Variants in TRHDE observed in about 807,000 individuals in gnomAD.
TRHDE encodes the protein thyrotropin-releasing hormone-degrading ectoenzyme.
In TRHDE, 72 loss-of-function variants were observed where a neutral mutation model predicts 125.7. The observed-to-expected ratio is 0.57, with a 90% confidence interval of 0.47 to 0.70. The LOEUF (loss-of-function observed/expected upper bound fraction) is 0.70. Among genes scored for constraint, TRHDE ranks in the 30% least tolerant of loss-of-function variants. The pLI is 0.00. For synonymous variants in TRHDE, 509 were observed against 509.1 expected (o/e 1.00, Z 0.00); for missense variants, 1,110 against 1,327.1 (o/e 0.84, Z 2.54).
intron 12 of TRHDE, 143 bp downstream of exon 12, chr12:72,575,685 G>A: frequency 1.3e-6 from 1 of 764,572 alleles, no homozygotes; most frequent in East Asian, 2.7e-5. Flanking sequence ...TTGGATATGA[G>A]TTCTAATTAG....
At chr12:72,610,471 T>C (rs775668596) in intron 12 of TRHDE, among the ~76,000 whole-genome samples, 15 of 152,156 alleles carry the variant, frequency 9.9e-5, no homozygotes, top group Non-Finnish European at 1.8e-4. Context: ...GCAGCCAGAG[T>C]CACCCTTTTA....
chr12:72,286,596 T>C (rs1332181156), intron 1 of TRHDE, 85 bp from the exon 2 acceptor site: 14 of 1,282,732 alleles, frequency 1.1e-5, no homozygotes, highest in Non-Finnish European at 1.5e-5. Flanking sequence ...AATAATATAT[T>C]ATTTCATCAA....
At chr12:72,580,439 G>GTATTTGT (rs1871172836) in intron 12 of TRHDE, among the ~76,000 whole-genome samples, 1 of 152,000 alleles carries the variant, frequency 6.6e-6, no homozygotes, top group Non-Finnish European at 1.5e-5. Context: ...TTGGGTGTTT[G>GTATTTGT]TATTTGTTTT....
intron 2 of TRHDE, among the ~76,000 whole-genome samples, chr12:72,221,065 T>C (rs1877989750): frequency 6.6e-6 from 1 of 152,124 alleles, no homozygotes; most frequent in East Asian, 1.9e-4. Flanking sequence ...GCAGAAGATA[T>C]AATCATCTAC....
Position 72,584,069 on chromosome 12 carries a change from C to T in TRHDE, c.2321+8527C>T, listed in dbSNP as rs541443306. Among the ~76,000 whole-genome samples the T allele has an allele frequency of 2.5e-3, 216 of 87,302 alleles. 66 individuals carry two copies. The highest frequency in any genetic ancestry group is 0.023 in the African/African-American group (197 of 8,730). 57.3% of individuals were successfully genotyped at this position (87,302 alleles called of 152,430 possible). ...GCCTCAGCCTCCGGAGTAGCTGGGA[C>T]TACAAGGATGACAAACTTTCTTAGA... is the stretch of plus-strand genomic sequence containing the variant. On this transcript the variant is annotated intron_variant, in intron 12 of 18. Transcript: ENST00000261180.
At chr12:72,327,700 A>G (rs1737199624) in intron 2 of TRHDE, among the ~76,000 whole-genome samples, 1 of 152,108 alleles carries the variant, frequency 6.6e-6, no homozygotes, top group South Asian at 2.1e-4. Context: ...AAACTTCTTA[A>G]ATCTTGGATG....
At chr12:72,491,661 G>A (rs555931002) in intron 5 of TRHDE, among the ~76,000 whole-genome samples, 12 of 152,036 alleles carry the variant, frequency 7.9e-5, no homozygotes, top group African/African-American at 2.6e-4. Context: ...TGTTCATCAT[G>A]TCCGAGAGTA....
Position 72,238,339 on chromosome 12 carries a change from T to TAATATA in TRHDE, n.279+132587_279+132588insAATATA, listed in dbSNP as rs1483769640. ...ATATATATACATATATATATACACA[T>TAATATA]TATATATATATATATATATATATAC... On this transcript the variant is annotated intron_variant and non_coding_transcript_variant, in intron 2 of 4. Transcript: ENST00000548156. Among the ~76,000 whole-genome samples, 58 of 21,164 alleles carry TAATATA rather than the reference T, an allele frequency of 2.7e-3. 3 individuals carry two copies. Among genetic ancestry groups the TAATATA allele is most frequent in the Non-Finnish European group, 4.2e-3 (38 of 9,138 alleles). The allele number at this position is 21,164 out of a possible 152,430, so 13.9% of individuals were successfully genotyped here.
chr12:72,630,599 A>C (rs975929064), intron 15 of TRHDE, among the ~76,000 whole-genome samples: 2 of 151,796 alleles, frequency 1.3e-5, no homozygotes, highest in Non-Finnish European at 2.9e-5. Context: ...ATGTATAATC[A>C]GTAGTTTTGA....
intron 6 of TRHDE, among the ~76,000 whole-genome samples, chr12:72,521,557 A>T (rs909943779): frequency 1.3e-5 from 2 of 152,164 alleles, no homozygotes; most frequent in African/African-American, 4.8e-5. Context: ...CTCTGCTGTC[A>T]TTTTACAATA....
intron 2 of TRHDE, among the ~76,000 whole-genome samples, chr12:72,169,670 C>A (rs1030799457): frequency 6.6e-6 from 1 of 151,932 alleles, no homozygotes; most frequent in Non-Finnish European, 1.5e-5. Context: ...ATTTGGGCAA[C>A]ATGGTGACAC....
chr12:72,268,361 G>C (rs1879114731), upstream of TRHDE, among the ~76,000 whole-genome samples: 1 of 152,084 alleles, frequency 6.6e-6, no homozygotes, highest in South Asian at 2.1e-4. Context: ...TCATGAAGAA[G>C]ATTAATTAAA....
intron 7 of TRHDE, among the ~76,000 whole-genome samples, chr12:72,559,570 G>T (rs7307975): frequency 0.26 from 38,792 of 150,248 alleles, 7,272 homozygotes; most frequent in East Asian, 0.53. Context: ...ATCTTTATTT[G>T]ATTCCTTACA....
chr12:72,618,833 G>GT, intron 12 of TRHDE, 58 bp from the exon 13 acceptor site: 1 of 1,365,908 alleles, frequency 7.3e-7, no homozygotes, highest in Non-Finnish European at 9.6e-7. Context: ...TTTTATTTGC[G>GT]TAAGTAAAAA....
At chr12:72,149,804 A>AT (rs1227799960) in intron 2 of TRHDE, among the ~76,000 whole-genome samples, 1 of 152,090 alleles carries the variant, frequency 6.6e-6, no homozygotes, top group Non-Finnish European at 1.5e-5. Flanking sequence ...ATACATAATC[A>AT]TTTTTCATTC....
At chr12:72,352,562 TC>T (rs1310334624) in intron 2 of TRHDE, among the ~76,000 whole-genome samples, 3 of 151,848 alleles carry the variant, frequency 2.0e-5, no homozygotes, top group African/African-American at 7.2e-5. Flanking sequence ...TAAAATATAA[TC>T]TAGTAATTAT....
At chr12:72,333,482 T>C (rs1211143665) in intron 2 of TRHDE, among the ~76,000 whole-genome samples, 1 of 152,098 alleles carries the variant, frequency 6.6e-6, no homozygotes, top group Non-Finnish European at 1.5e-5. Flanking sequence ...TTGTGAAAAA[T>C]TTGTGACAGT....
chr12:72,509,107 C>T (rs1276088735), intron 6 of TRHDE, among the ~76,000 whole-genome samples: 1 of 152,094 alleles, frequency 6.6e-6, no homozygotes, highest in East Asian at 1.9e-4. Context: ...TATACCACCC[C>T]AGTCTGAATC....
At chr12:72,321,843 G>T (rs1438239377) in intron 2 of TRHDE, among the ~76,000 whole-genome samples, 1 of 151,838 alleles carries the variant, frequency 6.6e-6, no homozygotes, top group Non-Finnish European at 1.5e-5. Context: ...TCTCTGCCTA[G>T]TTGTGGATAA....
Sources: gnomAD v4.1 joint callset for allele counts (sites outside exome capture counted in the v4.1 genomes callset) on GRCh38, gnomAD v4.1.1 for gene constraint, MANE v1.5 for transcripts, NCBI Gene and HGNC (gene_info 2026-07-23, HGNC 2026-07-21) for gene names.